ZNF93: variants seen among roughly 807,000 people sequenced by gnomAD.
The protein encoded by ZNF93 is zinc finger protein 505.
Under a neutral mutation model 45.0 loss-of-function variants are expected in ZNF93, and 29 were observed. The observed-to-expected ratio is 0.64, with a 90% CI of 0.48 to 0.88. The LOEUF (loss-of-function observed/expected upper bound fraction) is 0.88. ZNF93 is among the 40% of genes least tolerant of loss of function. The pLI, the probability that ZNF93 is intolerant of heterozygous loss-of-function variation, is 0.00. For synonymous variants in ZNF93, 223 were observed against 244.6 expected (o/e 0.91, Z 0.82); for missense variants, 578 against 724.0 (o/e 0.80, Z 2.31).
At chr19:19,909,695 T>C (rs1191709298) in intron 1 of ZNF93, among the ~76,000 whole-genome samples, 1 of 152,204 alleles carries the variant, frequency 6.6e-6, no homozygotes, top group Non-Finnish European at 1.5e-5. Flanking sequence ...TCTCTGAAAA[T>C]AGAGAAAATT....
At chr19:19,933,065 G>A (rs1200939205) in intron 3 of ZNF93, 117 bp from the exon 4 acceptor site, 1 of 796,022 alleles carries the variant, frequency 1.3e-6, no homozygotes, top group African/African-American at 1.8e-5. Context: ...TACAGCTTGT[G>A]GTATTTTACT....
intron 3 of ZNF93, among the ~76,000 whole-genome samples, 173 bp downstream of exon 3, chr19:19,916,828 C>T (rs905136037): frequency 5.9e-5 from 9 of 152,118 alleles, no homozygotes; most frequent in African/African-American, 2.2e-4. Flanking sequence ...CACAAAGGGA[C>T]ATCTTCCGTT....
chr19:19,935,170 A>G lies in ZNF93; in HGVS notation c.*352A>G, dbSNP rs2063389312. 1 of 241,508 alleles carries G rather than the reference A, an allele frequency of 4.1e-6. No homozygotes were observed. The highest frequency in any genetic ancestry group is 5.0e-5 in the Admixed American group (1 of 20,080). The allele number at this position is 241,508 out of a possible 1,614,324, so 15.0% of individuals were successfully genotyped here. The stretch of plus-strand genomic sequence containing the variant: ...TCCACATCCTGATACAAGGCCCACC[A>G]TATGCAGACCTGACTGCCAAAACAT... On this transcript the variant is annotated 3_prime_UTR_variant, in exon 4 of 4. Coordinates refer to ENST00000343769, the MANE Select transcript of ZNF93 (RefSeq NM_031218.4).
intron 1 of ZNF93, among the ~76,000 whole-genome samples, chr19:19,913,062 T>C (rs1329702335): frequency 3.3e-5 from 5 of 152,264 alleles, no homozygotes; most frequent in Non-Finnish European, 5.9e-5. Context: ...GAGTGTTAAG[T>C]GTAAGGGACC....
chr19:19,911,361 T>C (rs2063307417), intron 1 of ZNF93, among the ~76,000 whole-genome samples: 2 of 152,258 alleles, frequency 1.3e-5, no homozygotes. Context: ...TGGTTAATTC[T>C]GCTTCTGTCT....
chr19:19,918,059 T>C (rs1265896510), intron 3 of ZNF93, among the ~76,000 whole-genome samples: 2 of 152,016 alleles, frequency 1.3e-5, no homozygotes, highest in Non-Finnish European at 2.9e-5. Context: ...CATTAAGTCG[T>C]CATTTACATT....
chr19:19,927,857 T>C (rs112523714), intron 3 of ZNF93, among the ~76,000 whole-genome samples: 15,466 of 152,134 alleles, frequency 0.1, 1,534 homozygotes, highest in African/African-American at 0.26. Flanking sequence ...AAGCAATTCT[T>C]GTACCTCAGC....
rs746422911 is a variant in ZNF93, at chr19:19,915,301, G to T, written c.25G>T (p.Val9Leu). The change falls in exon 2 of 4, where the codon GTG (valine) becomes TTG (leucine). Residue 9 changes from valine (V) to leucine (L), a missense_variant. Val to Leu is a conservative substitution (Grantham distance 32, BLOSUM62 1). Transcript: ENST00000343769. MGPLQFRD[V>L]AIEFSLEEWH... ...TCAGGGACCATTGCAATTTAGAGAT[G>T]TGGCCATAGAATTCTCTCTGGAGGA... 2 of 1,613,888 alleles carry T rather than the reference G, an allele frequency of 1.2e-6. No homozygotes were observed. The highest frequency in any genetic ancestry group is 2.7e-5 in the African/African-American group (2 of 74,900).
intron 1 of ZNF93, among the ~76,000 whole-genome samples, chr19:19,912,005 T>C (rs1257585865): frequency 6.6e-6 from 1 of 152,144 alleles, no homozygotes; most frequent in Non-Finnish European, 1.5e-5. Flanking sequence ...CGCCTTGGTC[T>C]CCCAAAGTCT....
chr19:19,934,549 A>G lies in ZNF93; in HGVS notation c.1594A>G (p.Thr532Ala), dbSNP rs747465549. Residue 532 changes from threonine to alanine, a missense_variant, in exon 4 of 4, where the codon ACT (threonine) becomes GCT (alanine). Physicochemically the swap from Thr to Ala is moderately conservative, Grantham distance 58. Transcript: ENST00000343769. ...STLIKHKKIH[T>A]REKPYKCEEC... ...CCTTATTAAACATAAGAAAATTCAT[A>G]CTAGAGAGAAACCCTACAAATGTGA... 7 of 1,613,492 alleles carry G rather than the reference A, an allele frequency of 4.3e-6. No individual in the cohort carries two copies. The highest frequency in any genetic ancestry group is 4.2e-6 in the Non-Finnish European group (5 of 1,180,002).
At position 19,902,982 on chromosome 19, in the gene ZNF93, A is replaced by G. The variant is rs566199039; in HGVS notation, c.3+1891A>G. Among the ~76,000 whole-genome samples, 114 of 149,664 alleles carry G rather than the reference A, an allele frequency of 7.6e-4. 1 individual carries two copies. Among genetic ancestry groups the G allele is most frequent in the Non-Finnish European group, 1.4e-3 (96 of 67,192 alleles). On this transcript the variant is annotated intron_variant, in intron 1 of 3. Transcript: ENST00000343769. ...TCTCGATCTCATGACCTCATGGTCCACCCGCCTCGGCCTCCCAAAGTGCTG... is the reference window on the plus strand; with the variant it reads ...TCTCGATCTCATGACCTCATGGTCCGCCCGCCTCGGCCTCCCAAAGTGCTG...
intron 3 of ZNF93, among the ~76,000 whole-genome samples, chr19:19,920,027 C>T (rs2063338390): frequency 6.6e-6 from 1 of 152,080 alleles, no homozygotes; most frequent in Non-Finnish European, 1.5e-5. Flanking sequence ...CTGTCTTGTG[C>T]CAGTTTTCAA....
intron 3 of ZNF93, among the ~76,000 whole-genome samples, chr19:19,923,528 A>T (rs2063347647): frequency 6.6e-6 from 1 of 152,160 alleles, no homozygotes; most frequent in South Asian, 2.1e-4. Flanking sequence ...GAGTCTACAG[A>T]GGCAGGCAGG....
At chr19:19,931,455 T>G (rs1208645824) in intron 3 of ZNF93, among the ~76,000 whole-genome samples, 1 of 152,160 alleles carries the variant, frequency 6.6e-6, no homozygotes, top group Admixed American at 6.5e-5. Flanking sequence ...CCTCCCAAAG[T>G]GTTGGGATTA....
At chr19:19,925,505 A>G (rs897865807) in intron 3 of ZNF93, among the ~76,000 whole-genome samples, 2 of 152,162 alleles carry the variant, frequency 1.3e-5, no homozygotes, top group South Asian at 2.1e-4. Flanking sequence ...CATCTTACTG[A>G]TGTCACTCTC....
At chr19:19,903,055 T>C (rs543970475) in intron 1 of ZNF93, among the ~76,000 whole-genome samples, 45 of 152,278 alleles carry the variant, frequency 3.0e-4, no homozygotes, top group African/African-American at 1.1e-3. Flanking sequence ...AGGATCTTAC[T>C]GACGATGAAG....
At chr19:19,921,122 A>G (rs1273732869) in intron 3 of ZNF93, among the ~76,000 whole-genome samples, 1 of 152,190 alleles carries the variant, frequency 6.6e-6, no homozygotes, top group Non-Finnish European at 1.5e-5. Context: ...AATGTGTCCC[A>G]GAGATTCTGG....
chr19:19,901,064 C>T lies in ZNF93; in HGVS notation c.-25C>T, dbSNP rs1487198164. The T allele has an allele frequency of 6.2e-7, 1 of 1,613,228 alleles. No homozygotes were observed. Among genetic ancestry groups the T allele is most frequent in the Admixed American group, 1.7e-5 (1 of 59,978 alleles). ...GGTATTGGGAGATCCACAGCTAAGA[C>T]ACCAGGACCCCTGGAAGCCTAGAAA... On this transcript the variant is annotated 5_prime_UTR_variant, in exon 1 of 4. Coordinates refer to ENST00000343769, the MANE Select transcript of ZNF93 (RefSeq NM_031218.4).
At chr19:19,921,134 A>G (rs1284333572) in intron 3 of ZNF93, among the ~76,000 whole-genome samples, 2 of 151,646 alleles carry the variant, frequency 1.3e-5, no homozygotes, top group Admixed American at 6.6e-5. Flanking sequence ...AGATTCTGGT[A>G]TGTTTTGTCT....
Sources: allele counts gnomAD v4.1 joint callset (sites outside exome capture counted in the v4.1 genomes callset), GRCh38; gene constraint gnomAD v4.1.1; transcripts MANE v1.5; gene names NCBI Gene and HGNC (gene_info 2026-07-23, HGNC 2026-07-21).